The following SRRM2 variants were observed in gnomAD, a reference collection of about 807,000 sequenced individuals.
SRRM2 encodes the protein serine/arginine repetitive matrix protein 2.
In SRRM2, 30 loss-of-function variants were observed where a neutral mutation model predicts 213.8. The observed-to-expected ratio is 0.14, with a 90% CI of 0.10 to 0.19. The LOEUF (loss-of-function observed/expected upper bound fraction) is 0.19, where lower values mean the gene tolerates loss of function less well. Among genes scored for constraint, SRRM2 ranks in the 10% least tolerant of loss-of-function variants. The pLI is 1.00. For synonymous variants in SRRM2, 2,025 were observed against 1,377.7 expected, an observed-to-expected ratio of 1.47 and a Z score of -10.40; for missense variants, 4,904 against 3,647.0, an observed-to-expected ratio of 1.34 and a Z score of -8.88.
rs1474260486 is a variant in SRRM2 at position 2,770,449 on chromosome 16, C to G, written c.8119C>G (p.Pro2707Ala). Residue 2707 changes from proline (P) to alanine (A), a missense_variant, in exon 13 of 15, where the codon CCA (proline) becomes GCA (alanine). By Grantham distance (27) the Pro-to-Ala change is conservative. Transcript: ENST00000301740. ...ERRRPSPQPS[P>A]RDQQSSSSER... ...TCGCCGTCCCTCGCCCCAGCCCTCA[C>G]CACGGGACCAGCAGAGGTAAGGCCA... The G allele has an allele frequency of 6.2e-7, 1 of 1,608,046 alleles. No homozygotes were observed. The highest frequency in any genetic ancestry group is 1.3e-5 in the African/African-American group (1 of 74,852).
chr16:2,753,477 C>T (rs1185538394), intron 1 of SRRM2: 6 of 152,310 alleles, frequency 3.9e-5, no homozygotes, highest in African/African-American at 1.2e-4. Flanking sequence ...AACCCCAAAT[C>T]TTAAAAACTG....
intron 9 of SRRM2, chr16:2,760,085 G>GT: frequency 1.7e-6 from 1 of 604,092 alleles, no homozygotes; most frequent in Non-Finnish European, 2.9e-6. Flanking sequence ...GAGTAAAGGG[G>GT]TAGAGGGAGA....
In SRRM2 at chr16:2,765,873, C is replaced by T. The variant is rs894059969; in HGVS notation, c.5345C>T (p.Thr1782Ile). The T allele has an allele frequency of 1.9e-6, 3 of 1,614,038 alleles. No individual in the cohort carries two copies. The Admixed American group carries it at 5.0e-5, about 27-fold the overall frequency. ...CGTTCCCGCTCAAGGAGAGAGAAAA[C>T]AAGAACAACCCGACGTCGAGATAGG... ...RSRSRSRREK[T>I]RTTRRRDRSG... Residue 1782 changes from threonine (T) to isoleucine (I), a missense_variant, in exon 11 of 15, where the codon ACA (threonine) becomes ATA (isoleucine). Physicochemically the swap from Thr to Ile is moderately conservative, Grantham distance 89. Transcript: ENST00000301740.
At position 2,766,671 on chromosome 16, in the gene SRRM2, T is replaced by G. The variant is rs200748735; in HGVS notation, c.6143T>G (p.Leu2048Arg). 2.5e-6 allele frequency: 4 copies of G among 1,611,142 alleles called. No homozygotes were observed. The highest frequency in any genetic ancestry group is 3.4e-6 in the Non-Finnish European group (4 of 1,179,206). Residue 2048 changes from leucine (L) to arginine (R), a missense_variant, in exon 11 of 15, where the codon CTT (leucine) becomes CGT (arginine). Leu to Arg is a moderately radical substitution (Grantham distance 102). Transcript: ENST00000301740. This position sits in a 1 kb window ranked among gnomAD's most constrained non-coding sequence, Gnocchi z 7.0. Reference sequence around the variant, plus strand: ...AAACGTTCTCGAAGTCGCTCACCACTTGCTATCCGCCGCCGCTCCAGATCC... The same window carrying G: ...AAACGTTCTCGAAGTCGCTCACCACGTGCTATCCGCCGCCGCTCCAGATCC... ...PRKRSRSRSP[L>R]AIRRRSRSRT...
At position 2,766,987 on chromosome 16, in the gene SRRM2, C is replaced by G; in HGVS notation, c.6459C>G (p.Gly2153=). ...CCATGTCTGTCCTGCAGCAAGCCGG[C>G]GGCTCCATGATGGATGGTCCAGGTC... ...RTPMSVLQQA[G]GSMMDGPGPR... The change falls in exon 11 of 15, where the codon GGC becomes GGG. Residue 2153 remains glycine (G), a synonymous_variant. Coordinates refer to ENST00000301740, the MANE Select transcript of SRRM2 (RefSeq NM_016333.4). The surrounding 1 kb of genome is among the most constrained non-coding windows in gnomAD (Gnocchi z 7.0). 6.2e-7 allele frequency: 1 copy of G among 1,614,166 alleles called. No homozygotes were observed. The highest frequency in any genetic ancestry group is 1.1e-5 in the South Asian group (1 of 91,086).
In SRRM2 at chr16:2,764,734, C is replaced by T. The variant is rs754690895; in HGVS notation, c.4206C>T (p.Ile1402=). Residue 1402 remains isoleucine, a synonymous_variant, in exon 11 of 15, where the codon ATC becomes ATT. Transcript: ENST00000301740. ...EKAGMSSNQS[I]SSPVLDAVPR... ...CAGGGATGTCTTCAAATCAGAGCAT[C>T]TCTTCACCTGTGCTTGATGCTGTAC... The T allele has an allele frequency of 1.2e-6, 2 of 1,614,052 alleles. No homozygotes were observed. The highest frequency in any genetic ancestry group is 1.7e-6 in the Non-Finnish European group (2 of 1,180,050).
intron 11 of SRRM2, 81 bp from the exon 12 acceptor site, chr16:2,768,916 A>G (rs1031947348): frequency 2.5e-6 from 4 of 1,585,564 alleles, no homozygotes; most frequent in East Asian, 4.6e-5. Flanking sequence ...CCCTCCCCCC[A>G]CTGCCGTTCC....
rs2068297009 is a variant in SRRM2 at position 2,760,389 on chromosome 16, G to A, written c.922G>A (p.Ala308Thr). The A allele has an allele frequency of 8.1e-6, 13 of 1,614,168 alleles. No individual in the cohort carries two copies. The highest frequency in any genetic ancestry group is 1.1e-5 in the Non-Finnish European group (13 of 1,180,030). The change falls in exon 10 of 15, where the codon GCG becomes ACG. Residue 308 changes from alanine (A) to threonine (T), a missense_variant. Ala to Thr is a moderately conservative substitution (Grantham distance 58). Coordinates refer to ENST00000301740, the MANE Select transcript of SRRM2 (RefSeq NM_016333.4). ...TTCAGGGCGACGCGGGGAGGGAGAT[G>A]CGCCTTTCAGTGAACCAGGTACTAC... ...PASGRRGEGDAPFSEPGTTST... is the reference protein window; with the variant it reads ...PASGRRGEGDTPFSEPGTTST...
At chr16:2,760,589 T>C (rs1246566267) in intron 10 of SRRM2, 90 bp downstream of exon 10, 62 of 1,417,774 alleles carry the variant, frequency 4.4e-5, no homozygotes, top group East Asian at 9.9e-5. Context: ...TAATAACTTA[T>C]TAAAATAAAT....
rs762679915 is a variant in SRRM2 at position 2,763,353 on chromosome 16, C to T, written c.2825C>T (p.Thr942Met). ...GSSSPSPSRVTSRTTPRRSRS... is the reference protein window; with the variant it reads ...GSSSPSPSRVMSRTTPRRSRS... ...TCTTCTCCAAGTCCTAGTAGGGTGA[C>T]GTCGAGAACAACTCCACGGCGAAGC... is the stretch of plus-strand genomic sequence containing the variant. Residue 942 changes from threonine to methionine, a missense_variant, in exon 11 of 15, where the codon ACG (threonine) becomes ATG (methionine). Transcript: ENST00000301740. 27 of 1,614,056 alleles carry T rather than the reference C, an allele frequency of 1.7e-5. No homozygotes were observed. The highest frequency in any genetic ancestry group is 8.3e-5 in the Admixed American group (5 of 60,008).
intron 12 of SRRM2, chr16:2,770,063 C>G (rs2068687584): frequency 8.5e-7 from 1 of 1,177,006 alleles, no homozygotes; most frequent in Admixed American, 3.1e-5. Context: ...CACGCACATC[C>G]AGCCCTGCTT....
Position 2,766,715 on chromosome 16 carries a change from C to A in SRRM2, c.6187C>A (p.Arg2063=). ...RSRSRTPRTA[R]GKRSLTRSPP... Reference sequence around the variant, plus strand: ...CAGATCCCGTACTCCACGAACAGCTCGGGGTAAACGGTCCTTAACAAGATC... The same window carrying A: ...CAGATCCCGTACTCCACGAACAGCTAGGGGTAAACGGTCCTTAACAAGATC... Residue 2063 remains arginine, a synonymous_variant, in exon 11 of 15, where the codon CGG becomes AGG. Transcript: ENST00000301740. This position sits in a 1 kb window ranked among gnomAD's most constrained non-coding sequence, Gnocchi z 7.0. The A allele has an allele frequency of 6.2e-7, 1 of 1,614,214 alleles. No homozygotes were observed. Among genetic ancestry groups the A allele is most frequent in the South Asian group, 1.1e-5 (1 of 91,088 alleles).
rs746513405 is a variant in SRRM2 at position 2,761,801 on chromosome 16, C to T, written c.1273C>T (p.Pro425Ser). Residue 425 changes from proline to serine, a missense_variant, in exon 11 of 15, where the codon CCT (proline) becomes TCT (serine). Coordinates refer to ENST00000301740, the MANE Select transcript of SRRM2 (RefSeq NM_016333.4). ...SSSSESSPPS[P>S]QPTKVSRHAS... Reference sequence around the variant, plus strand: ...TTCCTCAGAGAGCAGCCCACCATCCCCTCAACCTACCAAAGTTTCTCGGCA... The same window carrying T: ...TTCCTCAGAGAGCAGCCCACCATCCTCTCAACCTACCAAAGTTTCTCGGCA... The T allele has an allele frequency of 1.2e-6, 2 of 1,614,080 alleles. No individual in the cohort carries two copies. The highest frequency in any genetic ancestry group is 1.7e-6 in the Non-Finnish European group (2 of 1,180,008).
chr16:2,769,198 G>C lies in SRRM2; in HGVS notation c.7935G>C (p.Ser2645=), dbSNP rs138907366. ...SSSSSSSSSS[S]SSSPSPAKPG... is the part of the protein sequence containing the mutation. The stretch of plus-strand genomic sequence containing the variant: ...CCTCCTCATCTTCCTCCTCCTCGTC[G>C]TCTTCCTCCCCTTCCCCTGCTAAGC... The change falls in exon 12 of 15, where the codon TCG becomes TCC. Residue 2645 remains serine, a synonymous_variant. Transcript: ENST00000301740. 1.2e-6 allele frequency: 2 copies of C among 1,605,240 alleles called. No homozygotes were observed. Among genetic ancestry groups the C allele is most frequent in the South Asian group, 1.1e-5 (1 of 89,216 alleles).
chr16:2,766,237 G>A lies in SRRM2; in HGVS notation c.5709G>A (p.Arg1903=). The change falls in exon 11 of 15, where the codon AGG becomes AGA. Residue 1903 remains arginine, a synonymous_variant. Coordinates refer to ENST00000301740, the MANE Select transcript of SRRM2 (RefSeq NM_016333.4). The surrounding 1 kb of genome is among the most constrained non-coding windows in gnomAD (Gnocchi z 7.0). The part of the protein sequence containing the change: ...SPVSRRRSRS[R]TSVTRRRSRS... ...TCAGCCGGAGACGGTCAAGGTCCAGGACTTCAGTGACTCGACGAAGATCCC... is the reference window on the plus strand; with the variant it reads ...TCAGCCGGAGACGGTCAAGGTCCAGAACTTCAGTGACTCGACGAAGATCCC... 2 of 1,614,168 alleles carry A rather than the reference G, an allele frequency of 1.2e-6. No individual in the cohort carries two copies. The highest frequency in any genetic ancestry group is 1.1e-5 in the South Asian group (1 of 91,076).
In SRRM2 at chr16:2,764,043, C is replaced by T. The variant is rs746540600; in HGVS notation, c.3515C>T (p.Pro1172Leu). ...AESKEKMALP[P>L]QEDATASPPR... ...TCAAAAGAGAAAATGGCCTTACCCC[C>T]TCAGGAGGATGCTACTGCATCACCT... Residue 1172 changes from proline to leucine, a missense_variant, in exon 11 of 15, where the codon CCT becomes CTT. By Grantham distance (98) the Pro-to-Leu change is moderately conservative. Coordinates refer to ENST00000301740, the MANE Select transcript of SRRM2 (RefSeq NM_016333.4). 1.9e-6 allele frequency: 3 copies of T among 1,614,158 alleles called. No individual in the cohort carries two copies. The highest frequency in any genetic ancestry group is 1.3e-5 in the African/African-American group (1 of 75,052).
chr16:2,765,855 G>C lies in SRRM2; in HGVS notation c.5327G>C (p.Arg1776Pro), dbSNP rs543768419. ...CGTGGACTCCAGAGGTCCCGTTCCCGCTCAAGGAGAGAGAAAACAAGAACA... is the reference window on the plus strand; with the variant it reads ...CGTGGACTCCAGAGGTCCCGTTCCCCCTCAAGGAGAGAGAAAACAAGAACA... ...KPRGLQRSRS[R>P]SRREKTRTTR... Residue 1776 changes from arginine (R) to proline (P), a missense_variant, in exon 11 of 15, where the codon CGC becomes CCC. By Grantham distance (103) the Arg-to-Pro change is moderately radical (BLOSUM62 -2). Transcript: ENST00000301740. 6.2e-7 allele frequency: 1 copy of C among 1,614,066 alleles called. No homozygotes were observed. Among genetic ancestry groups the C allele is most frequent in the African/African-American group, 1.3e-5 (1 of 75,034 alleles).
rs771989272 is a variant in SRRM2, at chr16:2,766,008, G to A, written c.5480G>A (p.Arg1827Gln). ...GGTTATCACTCAAGGTCACCTGCCC[G>A]GCAGGAAAGTTCCCGGACCTCCTCT... ...GSGYHSRSPA[R>Q]QESSRTSSRR... Residue 1827 changes from arginine to glutamine, a missense_variant, in exon 11 of 15, where the codon CGG (arginine) becomes CAG (glutamine). Transcript: ENST00000301740. The surrounding 1 kb of genome is among the most constrained non-coding windows in gnomAD (Gnocchi z 7.0). 4.7e-5 allele frequency: 76 copies of A among 1,613,966 alleles called. No individual in the cohort carries two copies. Among genetic ancestry groups the A allele is most frequent in the East Asian group, 8.9e-5 (4 of 44,888 alleles).
chr16:2,753,103 C>T (rs960863229), intron 1 of SRRM2, among the ~76,000 whole-genome samples: 4 of 151,944 alleles, frequency 2.6e-5, no homozygotes, highest in African/African-American at 4.8e-5. Flanking sequence ...CGCGAGCGCC[C>T]TTGGTGAGGG....
Sources: gnomAD v4.1 joint callset for allele counts (sites outside exome capture counted in the v4.1 genomes callset) on GRCh38, gnomAD v4.1.1 for gene constraint, Gnocchi (gnomAD v3.1) non-coding constraint, MANE v1.5 for transcripts, NCBI Gene and HGNC (gene_info 2026-07-23, HGNC 2026-07-21) for gene names.